CHCHD6: variants seen among roughly 807,000 people sequenced by gnomAD.
CHCHD6 encodes the protein coiled-coil-helix-coiled-coil-helix domain containing 6.
CHCHD6 carries 28 observed loss-of-function variants against 32.3 expected under a neutral mutation model. That is an observed-to-expected ratio of 0.87 (90% CI 0.64 to 1.19). The LOEUF (loss-of-function observed/expected upper bound fraction) is 1.19, where lower values mean the gene tolerates loss of function less well. Among genes scored for constraint, CHCHD6 ranks in the 50% most tolerant of loss-of-function variants. CHCHD6 has a pLI of 0.00. For missense variants in CHCHD6, 333 were observed against 307.0 expected, an observed-to-expected ratio of 1.08 and a Z score of -0.63; for synonymous variants, 122 against 117.5, an observed-to-expected ratio of 1.04 and a Z score of -0.25.
chr3:126,784,132 G>T (rs982561886), intron 4 of CHCHD6, among the ~76,000 whole-genome samples: 1 of 152,036 alleles, frequency 6.6e-6, no homozygotes, highest in Non-Finnish European at 1.5e-5. Flanking sequence ...CCACAAATAG[G>T]ATGGGCAGGA....
rs547816177 is a variant in CHCHD6, at chr3:126,735,195, C to T, written c.411+1973C>T. On this transcript the variant is annotated intron_variant, in intron 4 of 7. Transcript: ENST00000290913. ...TCTAGAGGTGGAAGATTACAACCTA[C>T]AGGTCTGCTGTCTCTTCGTTCTCAC... 4.6e-5 allele frequency among the ~76,000 whole-genome samples: 7 copies of T among 152,278 alleles called. No homozygotes were observed. The East Asian group carries it at 1.4e-3, about 29-fold the overall frequency.
At chr3:126,935,011 T>C (rs1350754716) in intron 6 of CHCHD6, 1 of 413,454 alleles carries the variant, frequency 2.4e-6, no homozygotes, top group East Asian at 1.6e-4. Flanking sequence ...AGACAGTTTT[T>C]ATGAAACAGT....
intron 5 of CHCHD6, among the ~76,000 whole-genome samples, chr3:126,876,756 T>A (rs2077544172): frequency 6.6e-6 from 1 of 152,228 alleles, no homozygotes; most frequent in Admixed American, 6.5e-5. Context: ...ATACATTTAT[T>A]CCATTAAGAT....
At chr3:126,707,930 A>G (rs1934573780) in intron 1 of CHCHD6, among the ~76,000 whole-genome samples, 1 of 152,244 alleles carries the variant, frequency 6.6e-6, no homozygotes, top group Non-Finnish European at 1.5e-5. Context: ...TGCTGAGACA[A>G]TGAGGGACAA....
At chr3:126,792,982 T>C (rs771761691) in intron 4 of CHCHD6, among the ~76,000 whole-genome samples, 29 of 152,184 alleles carry the variant, frequency 1.9e-4, no homozygotes, top group Non-Finnish European at 1.6e-4. Context: ...CTTTTATCAT[T>C]ATGTAAAGTT....
At position 126,816,681 on chromosome 3, in the gene CHCHD6, C is replaced by T. The variant is rs368106253; in HGVS notation, c.412-35966C>T. Among the ~76,000 whole-genome samples the T allele has an allele frequency of 1.7e-4, 26 of 152,000 alleles. 1 individual carries two copies. The South Asian group carries it at 5.0e-3, about 29-fold the overall frequency. ...TGAATGGAGTCTTACTTCACATGCA[C>T]CAGGGGAACTTGTTATTTATTTATT... is the stretch of plus-strand genomic sequence containing the variant. On this transcript the variant is annotated intron_variant, in intron 4 of 7. Transcript: ENST00000290913.
At chr3:126,710,227 A>T (rs1934687123) in intron 1 of CHCHD6, among the ~76,000 whole-genome samples, 1 of 152,194 alleles carries the variant, frequency 6.6e-6, no homozygotes, top group Non-Finnish European at 1.5e-5. Flanking sequence ...ATTATCTTGG[A>T]ACCTTTGTGA....
intron 6 of CHCHD6, among the ~76,000 whole-genome samples, chr3:126,929,714 C>G (rs1282137061): frequency 6.6e-6 from 1 of 152,010 alleles, no homozygotes; most frequent in Non-Finnish European, 1.5e-5. Context: ...TACAGGCGCC[C>G]ACCACCATGC....
rs577004524 is a variant in CHCHD6, at chr3:126,868,305, C to T, written c.495+15575C>T. Among the ~76,000 whole-genome samples, 7 of 152,344 alleles carry T rather than the reference C, an allele frequency of 4.6e-5. 1 individual carries two copies. The South Asian group carries it at 1.2e-3, about 27-fold the overall frequency. ...GTGGATGGACGTAGATGGAGTTCCT[C>T]TCTGAGTGTAACTGAGTGTTGCTTG... is the stretch of plus-strand genomic sequence containing the variant. On this transcript the variant is annotated intron_variant, in intron 5 of 7. Transcript: ENST00000290913.
At chr3:126,833,979 G>A (rs1197240610) in intron 4 of CHCHD6, among the ~76,000 whole-genome samples, 6 of 147,918 alleles carry the variant, frequency 4.1e-5, no homozygotes, top group Non-Finnish European at 7.5e-5. Flanking sequence ...GCGTGAACCC[G>A]GGAGGCGGAG....
chr3:126,752,450 TGGGAGAAGGCCTTGGGCAGGGTG>T (rs905798633), intron 4 of CHCHD6, among the ~76,000 whole-genome samples: 3 of 152,154 alleles, frequency 2.0e-5, no homozygotes, highest in African/African-American at 4.8e-5. Context: ...ACAGGCGTGC[TGGGAGAAGGCCTTGGGCAGGGTG>T]GGGAGAAGGC....
chr3:126,844,547 T>C (rs1373556448), intron 4 of CHCHD6, among the ~76,000 whole-genome samples: 1 of 152,252 alleles, frequency 6.6e-6, no homozygotes, highest in Non-Finnish European at 1.5e-5. Flanking sequence ...ATACTTAGCA[T>C]TTGCACAATA....
rs1935602765 is a variant in CHCHD6, at chr3:126,727,750, GC to G, written c.196+565del. Among the ~76,000 whole-genome samples the G allele has an allele frequency of 3.3e-5, 5 of 152,214 alleles. No homozygotes were observed. In the South Asian group the frequency reaches 1.0e-3, roughly 31 times the overall value. ...AGCTGGTGCTCAAGCCGGGCTCAAA[GC>G]TGATTTGTTCCCTACTGTATTGTGC... On this transcript the variant is annotated intron_variant, in intron 2 of 7. Coordinates refer to ENST00000290913, the MANE Select transcript of CHCHD6 (RefSeq NM_032343.3).
intron 4 of CHCHD6, among the ~76,000 whole-genome samples, chr3:126,822,027 C>T: frequency 6.6e-6 from 1 of 152,126 alleles, no homozygotes; most frequent in East Asian, 1.9e-4. Context: ...TTGCTTTCTT[C>T]ATGGTGTGTT....
At chr3:126,730,264 A>T (rs1935731691) in intron 2 of CHCHD6, among the ~76,000 whole-genome samples, 1 of 152,130 alleles carries the variant, frequency 6.6e-6, no homozygotes, top group Non-Finnish European at 1.5e-5. Flanking sequence ...CTGGATTCCA[A>T]ATAATTGTCA....
chr3:126,864,533 T>G (rs1295122079), intron 5 of CHCHD6, among the ~76,000 whole-genome samples: 2 of 143,670 alleles, frequency 1.4e-5, no homozygotes, highest in Non-Finnish European at 3.0e-5. Flanking sequence ...CACCACCTCC[T>G]CCTCCTTCTC....
chr3:126,715,622 A>G (rs114624801), intron 1 of CHCHD6, among the ~76,000 whole-genome samples: 28 of 152,248 alleles, frequency 1.8e-4, no homozygotes, highest in African/African-American at 6.3e-4. Flanking sequence ...ACAGAGCTGC[A>G]TGGATGGACT....
At chr3:126,721,200 C>T (rs944280161) in intron 1 of CHCHD6, among the ~76,000 whole-genome samples, 1 of 152,190 alleles carries the variant, frequency 6.6e-6, no homozygotes, top group Non-Finnish European at 1.5e-5. Context: ...AAACTTTCAG[C>T]GTCTCCTCGG....
intron 4 of CHCHD6, among the ~76,000 whole-genome samples, chr3:126,804,330 A>G (rs1939243749): frequency 6.6e-6 from 1 of 151,264 alleles, no homozygotes; most frequent in African/African-American, 2.4e-5. Context: ...ACTAATAAAG[A>G]AAAAAAGAGA....
Sources: allele counts gnomAD v4.1 joint callset (sites outside exome capture counted in the v4.1 genomes callset), GRCh38; gene constraint gnomAD v4.1.1; transcripts MANE v1.5; gene names NCBI Gene and HGNC (gene_info 2026-07-23, HGNC 2026-07-21).